The following ZNF69 variants were observed in gnomAD, a reference collection of about 807,000 sequenced individuals.
The protein encoded by ZNF69 is zinc finger protein 69, also known as ZNF3.
A neutral mutation model predicts 50.9 loss-of-function variants in ZNF69; 47 were observed. The ratio of observed to expected loss-of-function variants is 0.92; its 90% CI spans 0.73 to 1.18. The LOEUF (loss-of-function observed/expected upper bound fraction) is 1.18, where lower values mean the gene tolerates loss of function less well. Ranked by LOEUF, ZNF69 falls within the 50% of genes most tolerant of loss-of-function variation. ZNF69 has a pLI of 0.00. For missense variants in ZNF69, 717 were observed against 675.1 expected, an observed-to-expected ratio of 1.06 and a Z score of -0.69; for synonymous variants, 216 against 223.1, an observed-to-expected ratio of 0.97 and a Z score of 0.29.
At chr19:11,893,636 T>C (rs989013988) in intron 1 of ZNF69, among the ~76,000 whole-genome samples, 1 of 152,202 alleles carries the variant, frequency 6.6e-6, no homozygotes, top group Non-Finnish European at 1.5e-5. Flanking sequence ...TATCTTTTCC[T>C]GGTTTTGGGT....
At chr19:11,899,050 C>G (rs752768940) in intron 1 of ZNF69, among the ~76,000 whole-genome samples, 1 of 152,162 alleles carries the variant, frequency 6.6e-6, no homozygotes, top group Non-Finnish European at 1.5e-5. Context: ...CAGTCTTATA[C>G]AGAAGCGTTT....
chr19:11,963,044 AGGGGGT>A, the ZNF69 span, among the ~76,000 whole-genome samples: 1 of 147,986 alleles, frequency 6.8e-6, no homozygotes, highest in Admixed American at 6.6e-5. Context: ...AGACCATCCA[AGGGGGT>A]CAGGGTTTCC....
At chr19:11,930,996 T>C in the ZNF69 span, among the ~76,000 whole-genome samples, 2 of 141,222 alleles carry the variant, frequency 1.4e-5, no homozygotes, top group East Asian at 3.9e-4. Flanking sequence ...CAAAATTCCG[T>C]CTCAAAAAAA....
At chr19:11,890,123 C>T (rs1477411301) in intron 1 of ZNF69, among the ~76,000 whole-genome samples, 2 of 152,178 alleles carry the variant, frequency 1.3e-5, no homozygotes, top group Admixed American at 1.3e-4. Context: ...AGACAGAAGC[C>T]TTCCTCTTAT....
chr19:11,978,192 GACAGGCTGAACTTCCAGGAGAAGAA>G, the ZNF69 span: 147 of 1,613,956 alleles, frequency 9.1e-5, 3 homozygotes, highest in South Asian at 1.6e-3. Context: ...GGTTCCAGAT[GACAGGCTGAACTTCCAGGAGAAGAA>G]AGCTTCTCCT....
the ZNF69 span, among the ~76,000 whole-genome samples, chr19:11,967,593 C>T: frequency 2.0e-5 from 3 of 152,074 alleles, no homozygotes; most frequent in Admixed American, 1.3e-4. Context: ...TTAGTAGAGA[C>T]GGGGTTTCAC....
chr19:11,941,199 G>A, the ZNF69 span, among the ~76,000 whole-genome samples: 4 of 152,348 alleles, frequency 2.6e-5, no homozygotes, highest in Admixed American at 6.5e-5. Context: ...GTTTCTCCAC[G>A]TCCCCACCAG....
chr19:11,979,769 A>G, the ZNF69 span: 4 of 1,582,666 alleles, frequency 2.5e-6, no homozygotes, highest in South Asian at 4.4e-5. Flanking sequence ...AATCCATGGT[A>G]GAACTCACAC....
the ZNF69 span, among the ~76,000 whole-genome samples, chr19:11,954,245 G>A: frequency 1.3e-5 from 2 of 152,174 alleles, no homozygotes; most frequent in South Asian, 2.1e-4. Context: ...GGTTTGATGG[G>A]TAAGTCAAGT....
intron 4 of ZNF69, among the ~76,000 whole-genome samples, chr19:11,911,734 G>A (rs1972461312): frequency 6.6e-6 from 1 of 152,038 alleles, no homozygotes. Flanking sequence ...ACAAGTTAAT[G>A]GGTACAGCAC....
the ZNF69 span, among the ~76,000 whole-genome samples, chr19:11,955,298 A>G: frequency 3.3e-5 from 5 of 151,920 alleles, no homozygotes; most frequent in African/African-American, 1.2e-4. Context: ...TACCGTGCCC[A>G]GCCTGAAAAT....
chr19:11,904,039 T>G, intron 3 of ZNF69, 74 bp downstream of exon 3: 1 of 1,495,502 alleles, frequency 6.7e-7, no homozygotes, highest in Admixed American at 2.1e-5. Context: ...TAAAAATAAG[T>G]AAAAGAACTA....
At chr19:11,918,989 G>A (rs1460546811), downstream of ZNF69, among the ~76,000 whole-genome samples, 5 of 151,010 alleles carry the variant, frequency 3.3e-5, no homozygotes, top group African/African-American at 9.7e-5. Context: ...TCCGCCTCCC[G>A]GGTTCACGCC....
the ZNF69 span, among the ~76,000 whole-genome samples, chr19:11,929,370 G>T: frequency 6.8e-6 from 1 of 148,134 alleles, no homozygotes; most frequent in Non-Finnish European, 1.5e-5. Flanking sequence ...TACCACACTG[G>T]CCAGGCTAGT....
At chr19:11,924,779 A>G in the ZNF69 span, among the ~76,000 whole-genome samples, 2 of 152,152 alleles carry the variant, frequency 1.3e-5, no homozygotes, top group African/African-American at 4.8e-5. Context: ...TCCTATGGAC[A>G]CTGAGTCTGA....
chr19:11,899,810 A>G (rs184437544), intron 1 of ZNF69, among the ~76,000 whole-genome samples: 14 of 152,336 alleles, frequency 9.2e-5, no homozygotes, highest in South Asian at 2.1e-4. Flanking sequence ...TCAGAGCTCC[A>G]CAGACTGTCT....
At chr19:11,909,620 C>A (rs183143540), downstream of ZNF69, among the ~76,000 whole-genome samples, 3 of 152,242 alleles carry the variant, frequency 2.0e-5, no homozygotes, top group Admixed American at 6.5e-5. Flanking sequence ...ATTCCACAGC[C>A]CTTTATGCTA....
intron 1 of ZNF69, among the ~76,000 whole-genome samples, chr19:11,889,534 C>T (rs997312660): frequency 1.3e-5 from 2 of 152,178 alleles, no homozygotes; most frequent in East Asian, 1.9e-4. Context: ...GGCTCAATCT[C>T]GGCTCACTGC....
the ZNF69 span, chr19:11,979,044 G>A: frequency 8.7e-6 from 14 of 1,614,204 alleles, no homozygotes; most frequent in South Asian, 3.3e-5. Flanking sequence ...TAAGCAGTGT[G>A]GGAAAGCATT....
Sources: gnomAD v4.1 joint callset for allele counts (sites outside exome capture counted in the v4.1 genomes callset) on GRCh38, gnomAD v4.1.1 for gene constraint, MANE v1.5 for transcripts, NCBI Gene and HGNC (gene_info 2026-07-23, HGNC 2026-07-21) for gene names.